The following TESPA1 variants were observed in gnomAD, a reference collection of about 807,000 sequenced individuals.
TESPA1 encodes protein TESPA1.
A neutral mutation model predicts 57.9 loss-of-function variants in TESPA1; 33 were observed. The ratio of observed to expected loss-of-function variants is 0.57; its 90% confidence interval spans 0.43 to 0.76. The LOEUF (loss-of-function observed/expected upper bound fraction) is 0.76, where lower values mean the gene tolerates loss of function less well. Among genes scored for constraint, TESPA1 ranks in the 30% least tolerant of loss-of-function variants. The pLI is 0.00. For synonymous variants in TESPA1, 227 were observed against 228.9 expected, an observed-to-expected ratio of 0.99 and a Z score of 0.07; for missense variants, 618 against 632.9, an observed-to-expected ratio of 0.98 and a Z score of 0.25.
At chr12:54,968,174 C>T (rs570554025) in intron 3 of TESPA1, among the ~76,000 whole-genome samples, 38 of 152,254 alleles carry the variant, frequency 2.5e-4, no homozygotes, top group Non-Finnish European at 4.4e-4. Flanking sequence ...AATGATTCTT[C>T]GGTCTTTAGG....
chr12:54,954,900 G>A (rs1340110832), intron 10 of TESPA1, among the ~76,000 whole-genome samples: 1 of 152,204 alleles, frequency 6.6e-6, no homozygotes, highest in Non-Finnish European at 1.5e-5. Context: ...GAAAATAGGA[G>A]TGCTAATATC....
Position 54,950,392 on chromosome 12 carries a change from T to C in TESPA1, c.*2-2A>G. 1 of 453,750 alleles carries C rather than the reference T, an allele frequency of 2.2e-6. No homozygotes were observed. Among genetic ancestry groups the C allele is most frequent in the Non-Finnish European group, 4.4e-6 (1 of 226,028 alleles). The allele number at this position is 453,750 out of a possible 1,614,324, so 28.1% of individuals were successfully genotyped here. A position where few individuals can be genotyped will look rare whatever the true frequency, so the allele number is the denominator to read the frequency against. On this transcript the variant is annotated splice_acceptor_variant, in intron 10 of 10. Coordinates refer to ENST00000449076, the MANE Select transcript of TESPA1 (RefSeq NM_001136030.3). LOFTEE classifies it low-confidence loss of function (3UTR_SPLICE). ...TGCTGTTGTGGTGGTGGAGAAAGCC[T>C]GCAATGGGAATAAAAAAGATACATA...
chr12:54,963,028 C>T lies in TESPA1; in HGVS notation c.870G>A (p.Met290Ile). 2 of 1,613,898 alleles carry T rather than the reference C, an allele frequency of 1.2e-6. No individual in the cohort carries two copies. Among genetic ancestry groups the T allele is most frequent in the Non-Finnish European group, 8.5e-7 (1 of 1,179,874 alleles). The change falls in exon 9 of 11, where the codon ATG becomes ATA. Residue 290 changes from methionine to isoleucine, a missense_variant. This residue lies in a region of TESPA1 where 409 missense variants were observed against 420.1 expected (regional missense o/e 0.97). Transcript: ENST00000449076. ...GGTCTCGGGGGCATGTGTACAGACA[C>T]ATCTTGGAGATGGCTTTCCGAAGGC... ...RDRLRKAISKMCLYTCPRDRP... is the reference protein window; with the variant it reads ...RDRLRKAISKICLYTCPRDRP...
chr12:54,951,803 A>G (rs1163231278), intron 10 of TESPA1, among the ~76,000 whole-genome samples: 4 of 150,948 alleles, frequency 2.6e-5, no homozygotes, highest in Admixed American at 2.6e-4. Context: ...GCTCCTTTAT[A>G]TACGTTGTTC....
In TESPA1 at chr12:54,967,836, T is replaced by TAC; in HGVS notation, c.256+5_256+6dup. 6.2e-7 allele frequency: 1 copy of TAC among 1,613,670 alleles called. No homozygotes were observed. The highest frequency in any genetic ancestry group is 8.5e-7 in the Non-Finnish European group (1 of 1,179,678). ...AAGAAAAATAGATGGACAGAACCTA[T>TAC]ACTCACCATTGTAGATAAACTGTCC... On this transcript the variant is annotated splice_region_variant and intron_variant, in intron 4 of 10. Transcript: ENST00000449076.
intron 1 of TESPA1, chr12:54,984,164 G>T (rs1952416899): frequency 6.6e-6 from 1 of 152,118 alleles, no homozygotes; most frequent in Non-Finnish European, 1.5e-5. Flanking sequence ...ACTAGAGTAG[G>T]GCCTGAAATG....
At chr12:54,963,511 G>A (rs1488817287) in intron 8 of TESPA1, among the ~76,000 whole-genome samples, 1 of 152,214 alleles carries the variant, frequency 6.6e-6, no homozygotes, top group Non-Finnish European at 1.5e-5. Flanking sequence ...TGAAAGGCAA[G>A]AAGGCCTAAA....
At chr12:54,962,240 G>A (rs1454564984) in intron 9 of TESPA1, among the ~76,000 whole-genome samples, 191 bp downstream of exon 9, 1 of 152,188 alleles carries the variant, frequency 6.6e-6, no homozygotes, top group Non-Finnish European at 1.5e-5. Context: ...AAACTCGACT[G>A]CTCTTAGGAA....
intron 3 of TESPA1, among the ~76,000 whole-genome samples, chr12:54,969,635 A>G (rs1951695712): frequency 1.3e-5 from 2 of 152,218 alleles, no homozygotes; most frequent in South Asian, 4.1e-4. Context: ...TTACACAATA[A>G]TAAGAATGAG....
chr12:54,955,330 A>C (rs1374084633), intron 10 of TESPA1, among the ~76,000 whole-genome samples: 1 of 152,280 alleles, frequency 6.6e-6, no homozygotes, highest in African/African-American at 2.4e-5. Flanking sequence ...AAAGGTTGAC[A>C]TCCATCCCTT....
intron 3 of TESPA1, among the ~76,000 whole-genome samples, chr12:54,971,881 G>C (rs901534000): frequency 6.6e-6 from 1 of 151,904 alleles, no homozygotes; most frequent in Non-Finnish European, 1.5e-5. Context: ...GTAGATAGAT[G>C]GATAGATATA....
intron 3 of TESPA1, among the ~76,000 whole-genome samples, chr12:54,969,341 TA>T (rs960796713): frequency 2.7e-4 from 41 of 152,048 alleles, no homozygotes; most frequent in African/African-American, 9.2e-4. Flanking sequence ...CTATTACTAC[TA>T]AAAACAGCAT....
intron 10 of TESPA1, among the ~76,000 whole-genome samples, chr12:54,951,917 G>T (rs550065671): frequency 6.7e-6 from 1 of 150,054 alleles, no homozygotes; most frequent in Non-Finnish European, 1.5e-5. Flanking sequence ...TCCTCATGCC[G>T]TCACCTATTA....
intron 2 of TESPA1, 98 bp downstream of exon 2, chr12:54,974,302 G>T: frequency 1.8e-6 from 2 of 1,128,438 alleles, no homozygotes; most frequent in Non-Finnish European, 2.4e-6. Flanking sequence ...CTGAGGGCCT[G>T]GCTAAACAAG....
chr12:54,968,148 C>T lies in TESPA1; in HGVS notation c.207-256G>A, dbSNP rs140684842. On this transcript the variant is annotated intron_variant, in intron 3 of 10. Coordinates refer to ENST00000449076, the MANE Select transcript of TESPA1 (RefSeq NM_001136030.3). ...TTGTCCTGGCCACAGGACTAAAGGA[C>T]GAAAGTCAACTTAACAATGATTCTT... 1.6e-3 allele frequency: 1,143 copies of T among 702,656 alleles called. 14 individuals are homozygous for T. In the African/African-American group the frequency reaches 0.018, roughly 11 times the overall value. 43.5% of individuals were successfully genotyped at this position (702,656 alleles called of 1,614,324 possible).
chr12:54,969,021 G>GTGTGTGTGTGTA (rs370590552), intron 3 of TESPA1, among the ~76,000 whole-genome samples: 69 of 83,674 alleles, frequency 8.2e-4, no homozygotes, highest in African/African-American at 2.9e-3. Context: ...ATTTATATAT[G>GTGTGTGTGTGTA]TATATATATA....
At chr12:54,957,740 T>TAAC (rs1298537932) in intron 10 of TESPA1, among the ~76,000 whole-genome samples, 4 of 152,240 alleles carry the variant, frequency 2.6e-5, no homozygotes, top group Non-Finnish European at 5.9e-5. Flanking sequence ...AATATTTTCC[T>TAAC]AACTTACTTG....
At chr12:54,967,759 G>T (rs1254370436) in intron 4 of TESPA1, 84 bp downstream of exon 4, 1 of 1,498,832 alleles carries the variant, frequency 6.7e-7, no homozygotes, top group Non-Finnish European at 9.2e-7. Flanking sequence ...GCATGTATAT[G>T]TGCATAAACA....
intron 3 of TESPA1, among the ~76,000 whole-genome samples, chr12:54,969,017 A>ATGTGTG (rs1316353337): frequency 5.9e-4 from 61 of 104,072 alleles, no homozygotes; most frequent in Non-Finnish European, 9.0e-4. Flanking sequence ...ACATATTTAT[A>ATGTGTG]TATGTATATA....
Sources: gnomAD v4.1 joint callset for allele counts (sites outside exome capture counted in the v4.1 genomes callset) on GRCh38, gnomAD v4.1.1 for gene constraint, gnomAD v4.1.1 regional missense constraint, MANE v1.5 for transcripts, NCBI Gene and HGNC (gene_info 2026-07-23, HGNC 2026-07-21) for gene names.